ADAMTS3: variants seen among roughly 807,000 people sequenced by gnomAD.
ADAMTS3 encodes the protein A disintegrin and metalloproteinase with thrombospondin motifs 3.
ADAMTS3 carries 73 observed loss-of-function variants against 129.0 expected under a neutral mutation model. The ratio of observed to expected loss-of-function variants is 0.57; its 90% CI spans 0.47 to 0.69. ADAMTS3 has a LOEUF of 0.69. Ranked by LOEUF, ADAMTS3 falls within the 30% of genes least tolerant of loss-of-function variation. The pLI is 0.00. For missense variants in ADAMTS3, 1,457 were observed against 1,514.5 expected, an observed-to-expected ratio of 0.96 and a Z score of 0.63; for synonymous variants, 477 against 510.8, an observed-to-expected ratio of 0.93 and a Z score of 0.89.
intron 3 of ADAMTS3, among the ~76,000 whole-genome samples, chr4:72,501,860 A>G (rs1290033343): frequency 6.6e-6 from 1 of 152,128 alleles, no homozygotes; most frequent in Non-Finnish European, 1.5e-5. Context: ...TTCCACATCT[A>G]TTGAGATGAT....
chr4:72,473,059 A>G (rs1441879722), intron 3 of ADAMTS3, among the ~76,000 whole-genome samples: 6 of 152,150 alleles, frequency 3.9e-5, no homozygotes, highest in Admixed American at 3.9e-4. Context: ...TATTAACAAA[A>G]CAAACGATAA....
rs553059322 is a variant in ADAMTS3 at position 72,321,355 on chromosome 4, G to A, written c.946-485C>T. On this transcript the variant is annotated intron_variant, in intron 6 of 21. Coordinates refer to ENST00000286657, the MANE Select transcript of ADAMTS3 (RefSeq NM_014243.3). ...CCTGGCTTTTTTTTTGTTTTTTTTTGTATTTTTAGTAGAGATGGGGTTTCA... is the reference window on the plus strand; with the variant it reads ...CCTGGCTTTTTTTTTGTTTTTTTTTATATTTTTAGTAGAGATGGGGTTTCA... Among the ~76,000 whole-genome samples the A allele has an allele frequency of 1.7e-3, 243 of 141,336 alleles. 1 individual carries two copies. Among genetic ancestry groups the A allele is most frequent in the African/African-American group, 5.7e-3 (226 of 39,958 alleles). 92.7% of individuals were successfully genotyped at this position (141,336 alleles called of 152,430 possible). A position where few individuals can be genotyped will look rare whatever the true frequency, so the allele number is the denominator to read the frequency against.
intron 4 of ADAMTS3, among the ~76,000 whole-genome samples, chr4:72,397,857 GAGAA>G (rs1721766162): frequency 6.6e-6 from 1 of 152,060 alleles, no homozygotes; most frequent in Non-Finnish European, 1.5e-5. Context: ...ACCTATACTA[GAGAA>G]GACCATGGAT....
intron 17 of ADAMTS3, among the ~76,000 whole-genome samples, chr4:72,299,053 CTGTGTGTGTGTG>C (rs60439058): frequency 0.014 from 1,943 of 138,132 alleles, 48 homozygotes; most frequent in African/African-American, 0.045. Context: ...TATTTGCATT[CTGTGTGTGTGTG>C]TGTGTGTGTG....
At chr4:72,307,057 A>T (rs985085090) in intron 15 of ADAMTS3, among the ~76,000 whole-genome samples, 1 of 152,032 alleles carries the variant, frequency 6.6e-6, no homozygotes, top group South Asian at 2.1e-4. Context: ...ATTATGAAAC[A>T]TCCAATACAT....
Position 72,311,004 on chromosome 4 carries a change from C to T in ADAMTS3, c.2055+44G>A, listed in dbSNP as rs200063435. On this transcript the variant is annotated intron_variant, in intron 14 of 21. Coordinates refer to ENST00000286657, the MANE Select transcript of ADAMTS3 (RefSeq NM_014243.3). ...AAATGTGCAGATGAATGACAGTAAA[C>T]GTAGATAACGTAGAAAGCCTTTGGG... 63 of 1,520,688 alleles carry T rather than the reference C, an allele frequency of 4.1e-5. No homozygotes were observed. The African/African-American group carries it at 4.6e-4, about 11-fold the overall frequency. The allele number at this position is 1,520,688 out of a possible 1,614,324, so 94.2% of individuals were successfully genotyped here.
chr4:72,510,433 T>C (rs546454650), intron 3 of ADAMTS3, among the ~76,000 whole-genome samples: 85 of 152,076 alleles, frequency 5.6e-4, no homozygotes, highest in African/African-American at 2.0e-3. Context: ...AGTTGCAGGA[T>C]ACAAAAATAA....
Position 72,455,894 on chromosome 4 carries a change from A to G in ADAMTS3, c.505-40923T>C, listed in dbSNP as rs376823164. Among the ~76,000 whole-genome samples the G allele has an allele frequency of 5.8e-3, 485 of 84,164 alleles. 9 individuals are homozygous for G. Among genetic ancestry groups the G allele is most frequent in the Non-Finnish European group, 0.01 (414 of 40,316 alleles). The allele number at this position is 84,164 out of a possible 152,430, so 55.2% of individuals were successfully genotyped here. A position where few individuals can be genotyped will look rare whatever the true frequency, so the allele number is the denominator to read the frequency against. ...ACTGTATATACTATATATATTTTAT[A>G]TATAGTATATACACTGTATATATAC... On this transcript the variant is annotated intron_variant, in intron 3 of 21. Coordinates refer to ENST00000286657, the MANE Select transcript of ADAMTS3 (RefSeq NM_014243.3).
chr4:72,354,068 G>T (rs895233945), intron 4 of ADAMTS3, among the ~76,000 whole-genome samples: 5 of 151,950 alleles, frequency 3.3e-5, no homozygotes, highest in African/African-American at 1.2e-4. Flanking sequence ...TGGATAAGAC[G>T]GGATAAGAGT....
At chr4:72,293,699 C>G (rs764794027) in intron 19 of ADAMTS3, among the ~76,000 whole-genome samples, 26 of 152,216 alleles carry the variant, frequency 1.7e-4, no homozygotes, top group Middle Eastern at 6.8e-3. Flanking sequence ...CTTCTAAACA[C>G]TGCATTTTTA....
intron 3 of ADAMTS3, among the ~76,000 whole-genome samples, chr4:72,545,284 T>C (rs1000043246): frequency 6.6e-6 from 1 of 152,092 alleles, no homozygotes; most frequent in Non-Finnish European, 1.5e-5. Context: ...TCCCTCTTCA[T>C]CCTAAATAAG....
At chr4:72,414,047 C>T (rs1307589214) in intron 4 of ADAMTS3, among the ~76,000 whole-genome samples, 3 of 151,644 alleles carry the variant, frequency 2.0e-5, no homozygotes, top group Non-Finnish European at 4.4e-5. Flanking sequence ...TACTTATATC[C>T]ATGTCATTTC....
chr4:72,474,711 A>G (rs1003265156), intron 3 of ADAMTS3, among the ~76,000 whole-genome samples: 1 of 152,206 alleles, frequency 6.6e-6, no homozygotes, highest in South Asian at 2.1e-4. Context: ...GATATACCTC[A>G]CAAACGCTAT....
In ADAMTS3 at chr4:72,288,817, C is replaced by A; in HGVS notation, c.2983G>T (p.Ala995Ser). 4 of 1,613,946 alleles carry A rather than the reference C, an allele frequency of 2.5e-6. No individual in the cohort carries two copies. Among genetic ancestry groups the A allele is most frequent in the Non-Finnish European group, 3.4e-6 (4 of 1,179,992 alleles). Residue 995 changes from alanine (A) to serine (S), a missense_variant, in exon 21 of 22, where the codon GCT (alanine) becomes TCT (serine). Coordinates refer to ENST00000286657, the MANE Select transcript of ADAMTS3 (RefSeq NM_014243.3). Reference protein sequence around the residue: ...GTEVRQVLCRAGDHCDGEKPE... With the variant: ...GTEVRQVLCRSGDHCDGEKPE... ...TTTTCACCATCACAGTGGTCCCCAGCCCTGCAGAGGACCTGCCTCACCTCC... is the reference window on the plus strand; with the variant it reads ...TTTTCACCATCACAGTGGTCCCCAGACCTGCAGAGGACCTGCCTCACCTCC...
intron 15 of ADAMTS3, among the ~76,000 whole-genome samples, chr4:72,308,282 G>A (rs550638833): frequency 1.3e-5 from 2 of 151,814 alleles, no homozygotes; most frequent in South Asian, 2.1e-4. Flanking sequence ...TTATAACACA[G>A]GAATAGCAAA....
At chr4:72,456,130 G>T (rs376455067) in intron 3 of ADAMTS3, among the ~76,000 whole-genome samples, 1 of 2,944 alleles carries the variant, frequency 3.4e-4, no homozygotes, top group African/African-American at 9.2e-4. Context: ...TTTATATATA[G>T]TATATATACT....
At chr4:72,412,007 AG>A (rs1449864270) in intron 4 of ADAMTS3, among the ~76,000 whole-genome samples, 3 of 152,118 alleles carry the variant, frequency 2.0e-5, no homozygotes, top group Non-Finnish European at 4.4e-5. Flanking sequence ...GGCAGTTCTG[AG>A]GAACTAAACT....
At chr4:72,474,485 CAG>C (rs1719171657) in intron 3 of ADAMTS3, among the ~76,000 whole-genome samples, 1 of 151,956 alleles carries the variant, frequency 6.6e-6, no homozygotes, top group African/African-American at 2.4e-5. Context: ...AACTGGAAAG[CAG>C]AATAGATGTT....
chr4:72,517,724 T>A lies in ADAMTS3; in HGVS notation c.504+30754A>T, dbSNP rs915227590. On this transcript the variant is annotated intron_variant, in intron 3 of 21. Coordinates refer to ENST00000286657, the MANE Select transcript of ADAMTS3 (RefSeq NM_014243.3). The stretch of plus-strand genomic sequence containing the variant: ...TTATTGCGTCTATTTGATTCTTCTC[T>A]CTTTTTTTCTTTATTAGTCTTGCTA... Among the ~76,000 whole-genome samples the A allele has an allele frequency of 4.3e-3, 648 of 151,984 alleles. 4 individuals carry two copies. The highest frequency in any genetic ancestry group is 0.015 in the African/African-American group (609 of 41,474).
Sources: allele counts gnomAD v4.1 joint callset (sites outside exome capture counted in the v4.1 genomes callset), GRCh38; gene constraint gnomAD v4.1.1; transcripts MANE v1.5; gene names NCBI Gene and HGNC (gene_info 2026-07-23, HGNC 2026-07-21).